The following NCOA2 variants were observed in gnomAD, a reference collection of about 807,000 sequenced individuals.
NCOA2 encodes nuclear receptor coactivator 2, also known as class E basic helix-loop-helix protein 75.
A neutral mutation model predicts 145.1 loss-of-function variants in NCOA2; 21 were observed. That is an observed-to-expected ratio of 0.14 (90% confidence interval 0.10 to 0.21). NCOA2 has a LOEUF of 0.21. Ranked by LOEUF, NCOA2 falls within the 10% of genes least tolerant of loss-of-function variation. The probability of loss-of-function intolerance (pLI) is 1.00; values close to 1 mark genes in which losing one functional copy is unlikely to be tolerated. For synonymous variants in NCOA2, 619 were observed against 637.5 expected, an observed-to-expected ratio of 0.97 and a Z score of 0.44; for missense variants, 1,472 against 1,837.6, an observed-to-expected ratio of 0.80 and a Z score of 3.64.
intron 1 of NCOA2, among the ~76,000 whole-genome samples, chr8:70,370,746 GA>G (rs1436934383): frequency 1.3e-5 from 2 of 151,380 alleles, no homozygotes; most frequent in African/African-American, 4.9e-5. Flanking sequence ...GTGAGAAAAG[GA>G]AAAAAAAGAG....
At chr8:70,442,253 C>T in the NCOA2 span, among the ~76,000 whole-genome samples, 1 of 152,132 alleles carries the variant, frequency 6.6e-6, no homozygotes, top group Non-Finnish European at 1.5e-5. Flanking sequence ...TTAAAGTTGG[C>T]ACGCGCTGGC....
intron 2 of NCOA2, among the ~76,000 whole-genome samples, chr8:70,224,922 T>G (rs1820479720): frequency 6.6e-6 from 1 of 151,886 alleles, no homozygotes; most frequent in Non-Finnish European, 1.5e-5. Context: ...GCCCCGCTCC[T>G]CCCTGTCCTC....
chr8:70,250,264 C>T (rs1261931770), intron 2 of NCOA2, among the ~76,000 whole-genome samples: 1 of 151,656 alleles, frequency 6.6e-6, no homozygotes, highest in Non-Finnish European at 1.5e-5. Flanking sequence ...TGGTGGCACA[C>T]ACTTGTAGCT....
At chr8:70,155,948 C>G (rs11786991) in intron 11 of NCOA2, 23 bp downstream of exon 11, 2 of 1,531,938 alleles carry the variant, frequency 1.3e-6, no homozygotes, top group Admixed American at 2.1e-5. Context: ...AGTACACCTG[C>G]GAGAAGATGT....
intron 2 of NCOA2, among the ~76,000 whole-genome samples, chr8:70,277,675 T>C (rs1158061687): frequency 1.3e-5 from 2 of 152,186 alleles, no homozygotes; most frequent in East Asian, 1.9e-4. Flanking sequence ...TTATACACTA[T>C]TCATACTTTT....
chr8:70,359,317 C>A (rs751824442), intron 1 of NCOA2, among the ~76,000 whole-genome samples: 1 of 151,960 alleles, frequency 6.6e-6, no homozygotes, highest in Non-Finnish European at 1.5e-5. Context: ...GTAGCAACAG[C>A]CAAAATGTCG....
chr8:70,154,627 C>T (rs1314615443), intron 11 of NCOA2, among the ~76,000 whole-genome samples: 2 of 152,188 alleles, frequency 1.3e-5, no homozygotes, highest in South Asian at 2.1e-4. Flanking sequence ...TGGTCTTGAA[C>T]TCTTGTCCTC....
the NCOA2 span, among the ~76,000 whole-genome samples, chr8:70,441,118 GAAAGAGAA>G: frequency 1.5e-4 from 6 of 40,904 alleles, no homozygotes; most frequent in Non-Finnish European, 3.2e-4. Context: ...GAGAAAGAAA[GAAAGAGAA>G]AGAAAGAAAG....
chr8:70,267,630 G>T (rs186005102), intron 2 of NCOA2, among the ~76,000 whole-genome samples: 1 of 151,890 alleles, frequency 6.6e-6, no homozygotes, highest in East Asian at 1.9e-4. Flanking sequence ...CAGGTTGGAA[G>T]ATCCATTTCC....
the NCOA2 span, among the ~76,000 whole-genome samples, chr8:70,425,744 C>T: frequency 6.7e-3 from 1,024 of 152,224 alleles, 12 homozygotes; most frequent in African/African-American, 0.023. Context: ...TCAGACAGAA[C>T]GCAAGGGAGA....
the NCOA2 span, among the ~76,000 whole-genome samples, chr8:70,447,079 A>C: frequency 6.6e-6 from 1 of 152,262 alleles, no homozygotes; most frequent in Non-Finnish European, 1.5e-5. Flanking sequence ...CGAGAAAATG[A>C]GTAACAAAGA....
intron 1 of NCOA2, among the ~76,000 whole-genome samples, chr8:70,365,346 CA>C (rs533520421): frequency 6.0e-4 from 91 of 151,784 alleles, no homozygotes; most frequent in Admixed American, 1.6e-3. Context: ...AACAAACAAA[CA>C]AAAAAAATCC....
chr8:70,292,588 A>G (rs1268815172), intron 2 of NCOA2, among the ~76,000 whole-genome samples: 3 of 152,112 alleles, frequency 2.0e-5, no homozygotes, highest in African/African-American at 7.2e-5. Flanking sequence ...CCTAAACACA[A>G]TGTAAAAATA....
intron 3 of NCOA2, among the ~76,000 whole-genome samples, chr8:70,214,477 A>G (rs1417705386): frequency 2.0e-5 from 3 of 152,242 alleles, no homozygotes; most frequent in African/African-American, 7.2e-5. Context: ...AAGAGAAGTT[A>G]ACCCAGTTAA....
the NCOA2 span, among the ~76,000 whole-genome samples, chr8:70,437,375 T>C: frequency 6.6e-6 from 1 of 152,218 alleles, no homozygotes; most frequent in Non-Finnish European, 1.5e-5. Context: ...TTACTTCACC[T>C]TTGTATTACC....
At chr8:70,198,268 A>G (rs1420671947) in intron 4 of NCOA2, among the ~76,000 whole-genome samples, 1 of 152,226 alleles carries the variant, frequency 6.6e-6, no homozygotes, top group East Asian at 1.9e-4. Flanking sequence ...AAACTACACT[A>G]CAAGCCAAAA....
intron 1 of NCOA2, among the ~76,000 whole-genome samples, chr8:70,381,459 T>C (rs1201226061): frequency 6.6e-6 from 1 of 152,104 alleles, no homozygotes; most frequent in Non-Finnish European, 1.5e-5. Flanking sequence ...CAATGAAAAA[T>C]GTATTAGGAC....
At chr8:70,339,373 A>G (rs1211387252) in intron 1 of NCOA2, among the ~76,000 whole-genome samples, 2 of 152,000 alleles carry the variant, frequency 1.3e-5, no homozygotes, top group African/African-American at 4.8e-5. Flanking sequence ...TACAGCTAAC[A>G]AGGGAAGTGA....
chr8:70,314,327 T>C (rs570918930), intron 1 of NCOA2, among the ~76,000 whole-genome samples: 1 of 152,132 alleles, frequency 6.6e-6, no homozygotes, highest in East Asian at 1.9e-4. Flanking sequence ...TATTATCCTA[T>C]TTCTATCTAT....
Sources: gnomAD v4.1 joint callset for allele counts (sites outside exome capture counted in the v4.1 genomes callset) on GRCh38, gnomAD v4.1.1 for gene constraint, MANE v1.5 for transcripts, NCBI Gene and HGNC (gene_info 2026-07-23, HGNC 2026-07-21) for gene names.